The following NEK11 variants were observed in gnomAD, a reference collection of about 807,000 sequenced individuals.
NEK11 encodes serine/threonine-protein kinase Nek11.
A neutral mutation model predicts 80.7 loss-of-function variants in NEK11; 72 were observed. That is an observed-to-expected ratio of 0.89 (90% CI 0.74 to 1.08). The LOEUF (loss-of-function observed/expected upper bound fraction) is 1.08, where lower values mean the gene tolerates loss of function less well. Among genes scored for constraint, NEK11 ranks in the 50% least tolerant of loss-of-function variants. The probability of loss-of-function intolerance (pLI) is 0.00; values close to 1 mark genes in which losing one functional copy is unlikely to be tolerated. For missense variants in NEK11, 764 were observed against 763.6 expected (o/e 1.00, Z -0.01); for synonymous variants, 251 against 260.7 (o/e 0.96, Z 0.36).
intron 5 of NEK11, among the ~76,000 whole-genome samples, chr3:131,125,598 T>A (rs1313490947): frequency 6.6e-6 from 1 of 152,160 alleles, no homozygotes; most frequent in Non-Finnish European, 1.5e-5. Flanking sequence ...TAAAAAAAAC[T>A]CTCTAACCTG....
chr3:131,318,289 A>T (rs943147004), intron 17 of NEK11, among the ~76,000 whole-genome samples: 1 of 152,066 alleles, frequency 6.6e-6, no homozygotes, highest in Admixed American at 6.5e-5. Context: ...AATATATCCC[A>T]TTCATTATTT....
At chr3:131,156,909 T>C (rs2090749159) in intron 10 of NEK11, among the ~76,000 whole-genome samples, 2 of 151,936 alleles carry the variant, frequency 1.3e-5, no homozygotes, top group African/African-American at 4.8e-5. Flanking sequence ...GTGCTGGTTG[T>C]TGGGATCGAA....
rs144916979 is a variant in NEK11, at chr3:131,095,875, T to A, written c.337-13928T>A. Reference sequence around the variant, plus strand: ...AGTGGTTAAAAAATGTCAAAGGGTTTAAAATAATTAAAATAGGATCAGAGG... The same window carrying A: ...AGTGGTTAAAAAATGTCAAAGGGTTAAAAATAATTAAAATAGGATCAGAGG... On this transcript the variant is annotated intron_variant, in intron 4 of 17. Transcript: ENST00000383366. Among the ~76,000 whole-genome samples, 426 of 152,266 alleles carry A rather than the reference T, an allele frequency of 2.8e-3. 6 individuals are homozygous for A. In the East Asian group the frequency reaches 0.043, roughly 15 times the overall value.
intron 17 of NEK11, among the ~76,000 whole-genome samples, chr3:131,323,430 T>C (rs1182746427): frequency 1.3e-5 from 2 of 152,190 alleles, no homozygotes; most frequent in African/African-American, 2.4e-5. Flanking sequence ...CAGCTGTTTT[T>C]CCTGAAGCCT....
intron 14 of NEK11, among the ~76,000 whole-genome samples, chr3:131,203,062 C>T (rs1051288367): frequency 2.6e-5 from 4 of 152,118 alleles, no homozygotes; most frequent in Admixed American, 1.3e-4. Flanking sequence ...CATTTGACCC[C>T]GTGATCCCAT....
chr3:131,215,214 A>G (rs1561014059), intron 14 of NEK11, among the ~76,000 whole-genome samples: 1 of 147,216 alleles, frequency 6.8e-6, no homozygotes, highest in Non-Finnish European at 1.5e-5. Flanking sequence ...ATAGGTGGGA[A>G]TTGAACAATG....
intron 3 of NEK11, among the ~76,000 whole-genome samples, chr3:131,036,728 C>T (rs1289713843): frequency 6.6e-6 from 1 of 152,122 alleles, no homozygotes; most frequent in Non-Finnish European, 1.5e-5. Context: ...GCTTGGCTCC[C>T]CCCTACCCCA....
At chr3:131,182,693 A>C (rs1289950068) in intron 14 of NEK11, among the ~76,000 whole-genome samples, 2 of 152,186 alleles carry the variant, frequency 1.3e-5, no homozygotes, top group Non-Finnish European at 2.9e-5. Flanking sequence ...TAGCTGGCAA[A>C]GTAAATATTT....
At chr3:131,209,957 G>T (rs538350193) in intron 14 of NEK11, among the ~76,000 whole-genome samples, 1 of 152,148 alleles carries the variant, frequency 6.6e-6, no homozygotes, top group East Asian at 1.9e-4. Context: ...TTGATTTTTT[G>T]AAGGTTTTTT....
chr3:131,242,238 T>A lies in NEK11; in HGVS notation c.1561-1198T>A, dbSNP rs80032153. ...AATCTTACAAGATATTCCTCATGTCTCTAAGGCATGTTATTATAATGGAGG... is the reference window on the plus strand; with the variant it reads ...AATCTTACAAGATATTCCTCATGTCACTAAGGCATGTTATTATAATGGAGG... On this transcript the variant is annotated intron_variant, in intron 15 of 17. Transcript: ENST00000383366. Among the ~76,000 whole-genome samples the A allele has an allele frequency of 9.1e-3, 1,380 of 152,272 alleles. 22 individuals carry two copies. Among genetic ancestry groups the A allele is most frequent in the African/African-American group, 0.031 (1,289 of 41,568 alleles).
intron 17 of NEK11, among the ~76,000 whole-genome samples, chr3:131,334,244 A>C (rs909583483): frequency 6.6e-6 from 1 of 152,234 alleles, no homozygotes; most frequent in African/African-American, 2.4e-5. Flanking sequence ...CAAATGTAAA[A>C]GAACAGAAAT....
chr3:131,103,702 G>A (rs1476144838), intron 4 of NEK11, among the ~76,000 whole-genome samples: 1 of 152,214 alleles, frequency 6.6e-6, no homozygotes, highest in African/African-American at 2.4e-5. Flanking sequence ...AGAGGCTGAA[G>A]TAGGGAGATA....
intron 15 of NEK11, among the ~76,000 whole-genome samples, chr3:131,236,851 T>C: frequency 6.6e-6 from 1 of 152,204 alleles, no homozygotes; most frequent in East Asian, 1.9e-4. Flanking sequence ...TTCCTATGAA[T>C]TATGAATGCA....
At chr3:131,186,374 A>T (rs1033553389) in intron 14 of NEK11, among the ~76,000 whole-genome samples, 4 of 152,154 alleles carry the variant, frequency 2.6e-5, no homozygotes, top group Non-Finnish European at 5.9e-5. Context: ...AAAATAAATT[A>T]TCATCTTTGT....
Position 131,264,368 on chromosome 3 carries a change from C to A in NEK11, c.1622-9110C>A, listed in dbSNP as rs1373333378. 2.6e-5 allele frequency among the ~76,000 whole-genome samples: 4 copies of A among 152,126 alleles called. No individual in the cohort carries two copies. The East Asian group carries it at 5.8e-4, about 22-fold the overall frequency. On this transcript the variant is annotated intron_variant, in intron 16 of 17. Transcript: ENST00000383366. ...TAGGTCTAACATTTAAGTCTTTAAC[C>A]CATCTTGAATTAATTTTTGTATAAG...
chr3:131,292,720 C>T (rs950414411), intron 17 of NEK11, among the ~76,000 whole-genome samples: 2 of 152,018 alleles, frequency 1.3e-5, no homozygotes, highest in Non-Finnish European at 2.9e-5. Context: ...TCTTGTTATC[C>T]ATTAGTATAA....
At chr3:131,078,387 A>G (rs1271413848) in intron 3 of NEK11, among the ~76,000 whole-genome samples, 1 of 152,152 alleles carries the variant, frequency 6.6e-6, no homozygotes, top group Admixed American at 6.5e-5. Context: ...CACTTTCTAC[A>G]TTTTCCTACT....
chr3:131,209,394 G>T (rs2094542071), intron 14 of NEK11, among the ~76,000 whole-genome samples: 1 of 152,180 alleles, frequency 6.6e-6, no homozygotes, highest in African/African-American at 2.4e-5. Flanking sequence ...TTTTATTGAG[G>T]ATTTTTGTAT....
chr3:131,276,789 C>T (rs1300813001), intron 17 of NEK11, among the ~76,000 whole-genome samples: 1 of 152,066 alleles, frequency 6.6e-6, no homozygotes, highest in Non-Finnish European at 1.5e-5. Context: ...CACATCAGTA[C>T]ATACTATTAT....
Sources: allele counts gnomAD v4.1 joint callset (sites outside exome capture counted in the v4.1 genomes callset), GRCh38; gene constraint gnomAD v4.1.1; transcripts MANE v1.5; gene names NCBI Gene and HGNC (gene_info 2026-07-23, HGNC 2026-07-21).